STPG2: variants seen among roughly 807,000 people sequenced by gnomAD.
The protein encoded by STPG2 is sperm tail PG-rich repeat containing 2, also known as sperm-tail PG-rich repeat-containing protein 2.
A neutral mutation model predicts 54.2 loss-of-function variants in STPG2; 56 were observed. That is an observed-to-expected ratio of 1.03 (90% CI 0.83 to 1.29). STPG2 has a LOEUF of 1.29. Among genes scored for constraint, STPG2 ranks in the 50% most tolerant of loss-of-function variants. STPG2 has a pLI of 0.00. For missense variants in STPG2, 596 were observed against 544.9 expected, an observed-to-expected ratio of 1.09 and a Z score of -0.93; for synonymous variants, 200 against 181.8, an observed-to-expected ratio of 1.10 and a Z score of -0.81.
intron 5 of STPG2, among the ~76,000 whole-genome samples, chr4:98,071,002 G>C: frequency 6.6e-6 from 1 of 151,496 alleles, no homozygotes; most frequent in South Asian, 2.1e-4. Flanking sequence ...GGGCTCTCTG[G>C]GTCCAAACTC....
intron 5 of STPG2, among the ~76,000 whole-genome samples, chr4:98,012,029 A>G (rs113829247): frequency 0.011 from 1,708 of 152,300 alleles, 26 homozygotes; most frequent in African/African-American, 0.039. Flanking sequence ...ATCTTTGTCC[A>G]TGCCAAGGTC....
chr4:98,085,432 T>A (rs1184771481), intron 5 of STPG2, among the ~76,000 whole-genome samples: 1 of 152,108 alleles, frequency 6.6e-6, no homozygotes, highest in Non-Finnish European at 1.5e-5. Flanking sequence ...TGCTAGGAAT[T>A]TGATTGGGTT....
intron 9 of STPG2, among the ~76,000 whole-genome samples, chr4:97,745,454 T>A (rs1725395913): frequency 6.6e-6 from 1 of 151,118 alleles, no homozygotes; most frequent in Non-Finnish European, 1.5e-5. Flanking sequence ...TCCCCCTTAG[T>A]CTACTGATTT....
intron 9 of STPG2, among the ~76,000 whole-genome samples, chr4:97,813,238 TAAA>T (rs35086328): frequency 6.6e-6 from 1 of 151,228 alleles, no homozygotes; most frequent in Non-Finnish European, 1.5e-5. Flanking sequence ...GTAAAAACAG[TAAA>T]AAAAATAAAA....
intron 5 of STPG2, among the ~76,000 whole-genome samples, chr4:98,011,770 G>C (rs775066560): frequency 1.9e-4 from 29 of 152,142 alleles, no homozygotes; most frequent in Non-Finnish European, 5.9e-5. Context: ...TTTGAGAAGT[G>C]TCTGTTCATA....
intron 10 of STPG2, among the ~76,000 whole-genome samples, chr4:97,695,366 G>A (rs1292999820): frequency 6.6e-6 from 1 of 152,132 alleles, no homozygotes; most frequent in Non-Finnish European, 1.5e-5. Flanking sequence ...AGCCATTTAT[G>A]ACAAACCCAC....
intron 5 of STPG2, among the ~76,000 whole-genome samples, chr4:97,993,645 G>C (rs1016217371): frequency 6.6e-6 from 1 of 152,030 alleles, no homozygotes; most frequent in Middle Eastern, 3.4e-3. Flanking sequence ...TTGTGGGATA[G>C]TATCAATAGG....
intron 4 of STPG2, among the ~76,000 whole-genome samples, chr4:97,465,558 T>C (rs1729767689): frequency 6.6e-6 from 1 of 152,136 alleles, no homozygotes; most frequent in African/African-American, 2.4e-5. Flanking sequence ...TCTTTTATCT[T>C]ATACAGTATT....
intron 10 of STPG2, among the ~76,000 whole-genome samples, chr4:97,686,040 T>C (rs1450476156): frequency 6.6e-6 from 1 of 152,186 alleles, no homozygotes; most frequent in South Asian, 2.1e-4. Flanking sequence ...GTGGACTGTT[T>C]AGGGGCAAGA....
chr4:98,046,768 T>A (rs1007093617), intron 5 of STPG2, among the ~76,000 whole-genome samples: 1 of 152,020 alleles, frequency 6.6e-6, no homozygotes, highest in Non-Finnish European at 1.5e-5. Flanking sequence ...CCACTCTCAT[T>A]CAGACCACAC....
chr4:97,666,949 C>A (rs78796450), intron 10 of STPG2, among the ~76,000 whole-genome samples: 10,015 of 152,194 alleles, frequency 0.066, 410 homozygotes, highest in South Asian at 0.16. Context: ...CCACCATTAT[C>A]ACCATCACTG....
intron 8 of STPG2, among the ~76,000 whole-genome samples, chr4:97,926,173 A>T (rs1367943633): frequency 6.6e-6 from 1 of 152,106 alleles, no homozygotes; most frequent in Non-Finnish European, 1.5e-5. Context: ...TTACTCTAAC[A>T]CCTTTCCAGA....
At chr4:98,094,735 G>T (rs1412339576) in intron 5 of STPG2, among the ~76,000 whole-genome samples, 1 of 152,200 alleles carries the variant, frequency 6.6e-6, no homozygotes, top group Non-Finnish European at 1.5e-5. Context: ...CCATGGATCA[G>T]TGGTGGTAGT....
intron 9 of STPG2, among the ~76,000 whole-genome samples, chr4:97,820,784 C>A (rs1309004457): frequency 2.6e-5 from 4 of 151,978 alleles, no homozygotes; most frequent in South Asian, 2.1e-4. Flanking sequence ...CAAGGTGGCA[C>A]AGAGAGGTTA....
chr4:97,962,506 T>A (rs1733927107), intron 7 of STPG2, among the ~76,000 whole-genome samples: 1 of 152,226 alleles, frequency 6.6e-6, no homozygotes. Context: ...ACTGAATTTT[T>A]AAAAATCAGA....
rs1407721284 is a variant in STPG2 at position 97,971,056 on chromosome 4, CTCA to C, written c.933+1221_933+1223del. Among the ~76,000 whole-genome samples the C allele has an allele frequency of 3.3e-5, 5 of 152,272 alleles. No homozygotes were observed. The East Asian group carries it at 9.6e-4, about 29-fold the overall frequency. On this transcript the variant is annotated intron_variant, in intron 7 of 10. Transcript: ENST00000295268. ...ATGCAGCCAACAGACACAAAAATTG[CTCA>C]TCATCACTGGTCATCAGAGAAATGC...
chr4:97,869,476 G>A (rs538478317), intron 8 of STPG2, among the ~76,000 whole-genome samples: 1 of 151,622 alleles, frequency 6.6e-6, no homozygotes, highest in African/African-American at 2.4e-5. Context: ...CAGCATTTAG[G>A]TATTTTGATA....
intron 10 of STPG2, among the ~76,000 whole-genome samples, chr4:97,579,830 C>A (rs1732818984): frequency 6.6e-6 from 1 of 151,850 alleles, no homozygotes. Context: ...ATTAAAAAAC[C>A]AATTATATTT....
chr4:98,126,450 G>C (rs905329721), intron 3 of STPG2, among the ~76,000 whole-genome samples: 1 of 152,132 alleles, frequency 6.6e-6, no homozygotes, highest in Non-Finnish European at 1.5e-5. Flanking sequence ...GTAGTTTCCT[G>C]GACAGGGTAA....
Sources: allele counts gnomAD v4.1 joint callset (sites outside exome capture counted in the v4.1 genomes callset), GRCh38; gene constraint gnomAD v4.1.1; transcripts MANE v1.5; gene names NCBI Gene and HGNC (gene_info 2026-07-23, HGNC 2026-07-21).